Variants in ARMC2 observed in about 807,000 individuals in gnomAD.
ARMC2 encodes the protein armadillo repeat containing 2, also known as armadillo repeat-containing protein 2.
A neutral mutation model predicts 90.3 loss-of-function variants in ARMC2; 67 were observed. The ratio of observed to expected loss-of-function variants is 0.74; its 90% CI spans 0.61 to 0.91. The LOEUF is 0.91. Among genes scored for constraint, ARMC2 ranks in the 40% least tolerant of loss-of-function variants. The pLI, the probability that ARMC2 is intolerant of heterozygous loss-of-function variation, is 0.00. For missense variants in ARMC2, 920 were observed against 1,030.9 expected, an observed-to-expected ratio of 0.89 and a Z score of 1.47; for synonymous variants, 393 against 393.0, an observed-to-expected ratio of 1.00 and a Z score of 0.00.
At chr6:108,884,293 G>A (rs973740748) in intron 5 of ARMC2, among the ~76,000 whole-genome samples, 7 of 152,132 alleles carry the variant, frequency 4.6e-5, no homozygotes, top group Non-Finnish European at 8.8e-5. Flanking sequence ...CATCCCCTGG[G>A]AGCCTGTTAG....
intron 17 of ARMC2, among the ~76,000 whole-genome samples, chr6:108,972,150 C>A (rs1778809559): frequency 6.6e-6 from 1 of 152,190 alleles, no homozygotes; most frequent in Non-Finnish European, 1.5e-5. Flanking sequence ...CCTCAGTGGT[C>A]ATTTATCTTC....
the ARMC2 span, chr6:109,009,238 C>T: frequency 5.1e-6 from 5 of 980,436 alleles, no homozygotes; most frequent in African/African-American, 8.6e-5. Context: ...GGAGCGTTTT[C>T]GGATGCTGAC....
At chr6:108,879,612 A>C (rs371639257) in intron 5 of ARMC2, among the ~76,000 whole-genome samples, 53 of 142,300 alleles carry the variant, frequency 3.7e-4, no homozygotes, top group African/African-American at 1.3e-3. Flanking sequence ...CCATCCATCC[A>C]TCCATCCATG....
the ARMC2 span, among the ~76,000 whole-genome samples, chr6:108,980,820 G>T: frequency 4.6e-5 from 7 of 152,166 alleles, no homozygotes; most frequent in African/African-American, 1.7e-4. Flanking sequence ...AACCTCGGAG[G>T]TGGAGGTTGC....
At chr6:108,869,132 AG>A in intron 4 of ARMC2, 137 bp downstream of exon 4, 2 of 908,760 alleles carry the variant, frequency 2.2e-6, no homozygotes, top group Middle Eastern at 3.5e-4. Flanking sequence ...ATTGGGCAAA[AG>A]CTGGCTAAGA....
At chr6:108,992,718 G>T in the ARMC2 span, 1 of 947,330 alleles carries the variant, frequency 1.1e-6, no homozygotes, top group Non-Finnish European at 1.7e-6. Flanking sequence ...AATCTAAGTG[G>T]CTGTTTTGTA....
chr6:108,929,497 T>TG (rs1775356781), intron 11 of ARMC2, among the ~76,000 whole-genome samples: 1 of 152,156 alleles, frequency 6.6e-6, no homozygotes, highest in Admixed American at 6.5e-5. Flanking sequence ...GTTGTTGAGA[T>TG]GGGGTCTCGC....
chr6:108,883,103 G>A (rs1325274714), intron 5 of ARMC2, among the ~76,000 whole-genome samples: 3 of 152,300 alleles, frequency 2.0e-5, no homozygotes, highest in South Asian at 4.1e-4. Context: ...TGGCTCTCCC[G>A]GCTGAATGAA....
chr6:108,916,753 C>T (rs947664132), intron 10 of ARMC2, among the ~76,000 whole-genome samples: 3 of 152,164 alleles, frequency 2.0e-5, no homozygotes, highest in Non-Finnish European at 4.4e-5. Flanking sequence ...TCGTCTGTGA[C>T]CTTTAAAGAG....
chr6:109,032,917 AACAGAGAGC>A, the ARMC2 span, among the ~76,000 whole-genome samples: 3 of 152,176 alleles, frequency 2.0e-5, no homozygotes, highest in African/African-American at 7.2e-5. Flanking sequence ...GTCATTTAAC[AACAGAGAGC>A]ACAGTGCCTT....
chr6:108,949,484 A>T (rs1156372059), intron 12 of ARMC2, among the ~76,000 whole-genome samples: 1 of 152,220 alleles, frequency 6.6e-6, no homozygotes, highest in Non-Finnish European at 1.5e-5. Context: ...CAGAACTAGA[A>T]TTCATATAGT....
At chr6:108,907,690 C>T in intron 8 of ARMC2, 1 of 1,607,608 alleles carries the variant, frequency 6.2e-7, no homozygotes. Flanking sequence ...ATGCCAGCAC[C>T]ATGGTAACCC....
Position 108,899,828 on chromosome 6 carries a change from G to A in ARMC2, c.847+36G>A, listed in dbSNP as rs545361256. On this transcript the variant is annotated intron_variant, in intron 7 of 17. Transcript: ENST00000392644. ...AACAAACAAACAAAAAACCGTTTTT[G>A]TTTTTTTTTTAAAAAATACCTGTAG... 68 of 1,412,350 alleles carry A rather than the reference G, an allele frequency of 4.8e-5. 2 individuals carry two copies. The South Asian group carries it at 8.7e-4, about 18-fold the overall frequency. The allele number at this position is 1,412,350 out of a possible 1,614,324, so 87.5% of individuals were successfully genotyped here.
chr6:109,019,136 C>T, the ARMC2 span, among the ~76,000 whole-genome samples: 1 of 152,092 alleles, frequency 6.6e-6, no homozygotes, highest in Non-Finnish European at 1.5e-5. Flanking sequence ...CATCAGAATT[C>T]TAGTAATATT....
At chr6:108,952,207 CAT>C (rs1174037065) in intron 12 of ARMC2, among the ~76,000 whole-genome samples, 2 of 152,224 alleles carry the variant, frequency 1.3e-5, no homozygotes, top group African/African-American at 2.4e-5. Flanking sequence ...GATCTGGACT[CAT>C]ATGTGGACAT....
chr6:108,950,517 G>A (rs1322018887), intron 12 of ARMC2, among the ~76,000 whole-genome samples: 1 of 152,106 alleles, frequency 6.6e-6, no homozygotes, highest in Non-Finnish European at 1.5e-5. Flanking sequence ...GCAAACTAAC[G>A]CAAGAACAGA....
intron 3 of ARMC2, among the ~76,000 whole-genome samples, chr6:108,862,311 T>C (rs1775326833): frequency 8.4e-6 from 1 of 119,558 alleles, no homozygotes; most frequent in South Asian, 2.8e-4. Context: ...GCCACTGCAC[T>C]CCAACCTGGG....
intron 4 of ARMC2, among the ~76,000 whole-genome samples, chr6:108,872,767 G>T (rs1651284014): frequency 6.6e-6 from 1 of 152,210 alleles, no homozygotes; most frequent in Non-Finnish European, 1.5e-5. Context: ...CAGAGGCCCT[G>T]TTGTGCCTAC....
At chr6:108,861,837 T>C (rs1775274961) in intron 3 of ARMC2, among the ~76,000 whole-genome samples, 1 of 152,148 alleles carries the variant, frequency 6.6e-6, no homozygotes, top group Non-Finnish European at 1.5e-5. Flanking sequence ...TACTGTAGTT[T>C]TTTGGGGACT....
Sources: gnomAD v4.1 joint callset for allele counts (sites outside exome capture counted in the v4.1 genomes callset) on GRCh38, gnomAD v4.1.1 for gene constraint, MANE v1.5 for transcripts, NCBI Gene and HGNC (gene_info 2026-07-23, HGNC 2026-07-21) for gene names.